ZFP62: variants seen among roughly 807,000 people sequenced by gnomAD.
ZFP62 encodes zinc finger protein 62 homolog.
Under a neutral mutation model 56.4 loss-of-function variants are expected in ZFP62, and 44 were observed. The ratio of observed to expected loss-of-function variants is 0.78; its 90% CI spans 0.61 to 1.00. The LOEUF is 1.00. Among genes scored for constraint, ZFP62 ranks in the 50% least tolerant of loss-of-function variants. The probability of loss-of-function intolerance (pLI) is 0.00; values close to 1 mark genes in which losing one functional copy is unlikely to be tolerated. For synonymous variants in ZFP62, 421 were observed against 388.9 expected, an observed-to-expected ratio of 1.08 and a Z score of -0.97; for missense variants, 1,030 against 1,085.7, an observed-to-expected ratio of 0.95 and a Z score of 0.72.
At chr5:180,855,876 T>C (rs915166964) in intron 1 of ZFP62, among the ~76,000 whole-genome samples, 5 of 152,180 alleles carry the variant, frequency 3.3e-5, no homozygotes, top group Non-Finnish European at 5.9e-5. Flanking sequence ...TGAAGAATTT[T>C]TGTAAAATGC....
Position 180,850,540 on chromosome 5 carries a change from T to C in ZFP62, c.955A>G (p.Ile319Val), listed in dbSNP as rs1222156651. The part of the protein sequence containing the change: ...YECDECGKAF[I>V]TCRTLLNHKS... The stretch of plus-strand genomic sequence containing the variant: ...TGGTTGAGAAGTGTTCTACAAGTAA[T>C]GAAGGCCTTCCCACACTCATCACAT... The change falls in exon 2 of 2, where the codon ATT (isoleucine) becomes GTT (valine). Residue 319 changes from isoleucine to valine, a missense_variant. Transcript: ENST00000502412. The C allele has an allele frequency of 6.4e-7, 1 of 1,555,426 alleles. No homozygotes were observed.
At chr5:180,841,997 G>A in the ZFP62 span, among the ~76,000 whole-genome samples, 1 of 152,204 alleles carries the variant, frequency 6.6e-6, no homozygotes, top group African/African-American at 2.4e-5. Context: ...TGTGAGCCCA[G>A]ATTTTGCCAC....
chr5:180,841,328 T>C, the ZFP62 span, among the ~76,000 whole-genome samples: 1 of 151,696 alleles, frequency 6.6e-6, no homozygotes, highest in Non-Finnish European at 1.5e-5. Flanking sequence ...CACATATATA[T>C]ATATATATAT....
Position 180,849,295 on chromosome 5 carries a change from A to G in ZFP62, c.2200T>C (p.Cys734Arg). The change falls in exon 2 of 2, where the codon TGT becomes CGT. Residue 734 changes from cysteine (C) to arginine (R), a missense_variant. Cys to Arg is a radical substitution (Grantham distance 180, BLOSUM62 -3). Coordinates refer to ENST00000502412, the MANE Select transcript of ZFP62 (RefSeq NM_001172638.2). The stretch of plus-strand genomic sequence containing the variant: ...GAGCTGTAACTGAAAGATTTCCCAC[A>G]CTCAACACACTTGAAGGGTTTCTCC... ...LGEKPFKCVE[C>R]GKSFSYSSLL... 1 of 1,552,454 alleles carries G rather than the reference A, an allele frequency of 6.4e-7. No homozygotes were observed. The highest frequency in any genetic ancestry group is 8.7e-7 in the Non-Finnish European group (1 of 1,147,330).
chr5:180,850,644 T>A lies in ZFP62; in HGVS notation c.851A>T (p.Asp284Val). Residue 284 changes from aspartate to valine, a missense_variant, in exon 2 of 2, where the codon GAC becomes GTC. By Grantham distance (152) the Asp-to-Val change is radical. Coordinates refer to ENST00000502412, the MANE Select transcript of ZFP62 (RefSeq NM_001172638.2). Reference protein sequence around the residue: ...IHTGEKPYECDICGKTFSNSS... With the variant: ...IHTGEKPYECVICGKTFSNSS... ...GTTACTGAAGGTTTTCCCACAGATG[T>A]CGCATTCATAGGGCTTCTCCCCCGT... 1 of 1,580,998 alleles carries A rather than the reference T, an allele frequency of 6.3e-7. No individual in the cohort carries two copies. Among genetic ancestry groups the A allele is most frequent in the East Asian group, 2.3e-5 (1 of 42,940 alleles).
At chr5:180,859,586 TGGA>T (rs538079104) in intron 1 of ZFP62, among the ~76,000 whole-genome samples, 102 of 152,258 alleles carry the variant, frequency 6.7e-4, no homozygotes, top group African/African-American at 2.2e-3. Context: ...TGCCAAGTAG[TGGA>T]GAAGAGATTT....
chr5:180,857,576 C>T (rs1409185672), intron 1 of ZFP62, among the ~76,000 whole-genome samples: 1 of 152,176 alleles, frequency 6.6e-6, no homozygotes, highest in Non-Finnish European at 1.5e-5. Context: ...CAGCACACTG[C>T]AGCCTCCACC....
At chr5:180,845,559 T>G (rs1395252754), downstream of ZFP62, 1 of 288,116 alleles carries the variant, frequency 3.5e-6, no homozygotes, top group Non-Finnish European at 5.2e-6. Flanking sequence ...CAGGTCTAAA[T>G]GAGAATGGCT....
At chr5:180,858,701 A>G (rs1016451221) in intron 1 of ZFP62, among the ~76,000 whole-genome samples, 3 of 152,224 alleles carry the variant, frequency 2.0e-5, no homozygotes, top group Non-Finnish European at 4.4e-5. Context: ...GTAAGTCACT[A>G]TAATCCAATC....
chr5:180,852,737 A>G (rs1350163954), intron 1 of ZFP62, among the ~76,000 whole-genome samples: 2 of 152,222 alleles, frequency 1.3e-5, no homozygotes, highest in Non-Finnish European at 2.9e-5. Flanking sequence ...ATATGCAACA[A>G]AAGACTGATA....
intron 1 of ZFP62, chr5:180,851,972 G>C (rs918161445): frequency 4.1e-6 from 4 of 977,784 alleles, no homozygotes; most frequent in African/African-American, 3.5e-5. Context: ...CAAAACTAAA[G>C]AGAAAAAATT....
At chr5:180,852,554 CA>C (rs36030316) in intron 1 of ZFP62, among the ~76,000 whole-genome samples, 74,641 of 109,548 alleles carry the variant, frequency 0.68, 24,231 homozygotes, top group East Asian at 0.9. Flanking sequence ...CTCCGTCTCA[CA>C]AAAAAAAAAA....
chr5:180,855,505 G>C (rs113067487), intron 1 of ZFP62, among the ~76,000 whole-genome samples: 15,895 of 152,028 alleles, frequency 0.1, 2,077 homozygotes, highest in African/African-American at 0.31. Flanking sequence ...TCCACCTTGA[G>C]ACATTCCTCT....
intron 1 of ZFP62, among the ~76,000 whole-genome samples, chr5:180,855,215 T>A (rs140120135): frequency 9.9e-5 from 15 of 152,232 alleles, no homozygotes; most frequent in Non-Finnish European, 2.1e-4. Context: ...GTGATGGGAA[T>A]CTTTTTACTG....
chr5:180,837,284 A>G, the ZFP62 span, among the ~76,000 whole-genome samples: 1 of 152,224 alleles, frequency 6.6e-6, no homozygotes, highest in Admixed American at 6.5e-5. Context: ...GCTTTTTCAT[A>G]CAATGGCTTA....
chr5:180,841,904 T>G, the ZFP62 span, among the ~76,000 whole-genome samples: 1 of 151,964 alleles, frequency 6.6e-6, no homozygotes, highest in Non-Finnish European at 1.5e-5. Context: ...ATACAAAAAT[T>G]AGCCAGGCAT....
the ZFP62 span, among the ~76,000 whole-genome samples, chr5:180,840,672 C>G: frequency 6.6e-6 from 1 of 152,024 alleles, no homozygotes; most frequent in Non-Finnish European, 1.5e-5. Flanking sequence ...AGGAGAATCG[C>G]TTGAACCCTG....
At chr5:180,858,295 A>G (rs1396279243) in intron 1 of ZFP62, among the ~76,000 whole-genome samples, 1 of 150,732 alleles carries the variant, frequency 6.6e-6, no homozygotes, top group Non-Finnish European at 1.5e-5. Context: ...AAGAAAAGAA[A>G]AAAAAGAAAA....
chr5:180,827,706 A>G, the ZFP62 span, among the ~76,000 whole-genome samples: 25 of 152,254 alleles, frequency 1.6e-4, no homozygotes, highest in African/African-American at 5.3e-4. Context: ...GCTGAGGAGG[A>G]TTAGTATAAG....
Sources: gnomAD v4.1 joint callset for allele counts (sites outside exome capture counted in the v4.1 genomes callset) on GRCh38, gnomAD v4.1.1 for gene constraint, MANE v1.5 for transcripts, NCBI Gene and HGNC (gene_info 2026-07-23, HGNC 2026-07-21) for gene names.